The following PCOLCE2 variants were observed in gnomAD, a reference collection of about 807,000 sequenced individuals.
The protein encoded by PCOLCE2 is procollagen C-proteinase enhancer 2.
In PCOLCE2, 42 loss-of-function variants were observed where a neutral mutation model predicts 47.0. The observed-to-expected ratio is 0.89, with a 90% CI of 0.70 to 1.16. The LOEUF is 1.16. Among genes scored for constraint, PCOLCE2 ranks in the 50% most tolerant of loss-of-function variants. The pLI is 0.00. For synonymous variants in PCOLCE2, 169 were observed against 191.7 expected (o/e 0.88, Z 0.98); for missense variants, 500 against 526.1 (o/e 0.95, Z 0.49).
At chr3:142,855,770 G>C (rs537388726) in intron 2 of PCOLCE2, among the ~76,000 whole-genome samples, 1 of 152,290 alleles carries the variant, frequency 6.6e-6, no homozygotes, top group Non-Finnish European at 1.5e-5. Context: ...GCTCTAAGGA[G>C]GGGATTCAGT....
chr3:142,843,359 T>G (rs1183049866), intron 3 of PCOLCE2: 2 of 457,806 alleles, frequency 4.4e-6, no homozygotes, highest in South Asian at 3.2e-5. Context: ...TCAGAAAGCT[T>G]GCAGGCTCAA....
At chr3:142,874,936 C>G (rs1933467763) in intron 2 of PCOLCE2, among the ~76,000 whole-genome samples, 1 of 152,110 alleles carries the variant, frequency 6.6e-6, no homozygotes. Context: ...TCTGATAATT[C>G]CCTTCTGACT....
chr3:142,877,855 GT>G (rs1410387769), intron 2 of PCOLCE2, among the ~76,000 whole-genome samples: 1 of 152,180 alleles, frequency 6.6e-6, no homozygotes, highest in Non-Finnish European at 1.5e-5. Flanking sequence ...ATTCAGGAAT[GT>G]GATTTTTCAA....
intron 2 of PCOLCE2, among the ~76,000 whole-genome samples, chr3:142,849,207 G>A (rs1937364143): frequency 1.3e-5 from 2 of 152,122 alleles, no homozygotes; most frequent in Non-Finnish European, 2.9e-5. Context: ...TTCAATGCCT[G>A]TGTATAGAAT....
intron 2 of PCOLCE2, among the ~76,000 whole-genome samples, chr3:142,878,289 G>A (rs1933539602): frequency 6.6e-6 from 1 of 152,004 alleles, no homozygotes. Context: ...CATTTATTTC[G>A]GGATGTTTAT....
At chr3:142,882,493 C>T (rs1239134300) in intron 2 of PCOLCE2, among the ~76,000 whole-genome samples, 2 of 152,122 alleles carry the variant, frequency 1.3e-5, no homozygotes, top group African/African-American at 2.4e-5. Context: ...AATTTCAGTA[C>T]TTTTAAATTA....
At chr3:142,826,437 G>A (rs890344204) in intron 6 of PCOLCE2, among the ~76,000 whole-genome samples, 2 of 152,018 alleles carry the variant, frequency 1.3e-5, no homozygotes, top group Non-Finnish European at 2.9e-5. Context: ...ACCCCCCTCC[G>A]ACCTGAAGTC....
intron 2 of PCOLCE2, 23 bp downstream of exon 2, chr3:142,887,646 A>G: frequency 8.2e-7 from 1 of 1,217,232 alleles, no homozygotes; most frequent in Non-Finnish European, 1.2e-6. Flanking sequence ...TTCCAGGAGA[A>G]TACCTTTTTA....
At chr3:142,835,440 T>C (rs1937192480) in intron 5 of PCOLCE2, among the ~76,000 whole-genome samples, 1 of 152,210 alleles carries the variant, frequency 6.6e-6, no homozygotes, top group Non-Finnish European at 1.5e-5. Context: ...ATCATTTTTA[T>C]ATCCTTTTAT....
intron 3 of PCOLCE2, among the ~76,000 whole-genome samples, chr3:142,845,133 T>G (rs1460046076): frequency 1.3e-5 from 2 of 152,236 alleles, no homozygotes; most frequent in East Asian, 3.8e-4. Context: ...TTTTTCCTTA[T>G]AGCCTTCTTT....
chr3:142,824,019 C>T (rs1227843595), intron 6 of PCOLCE2, among the ~76,000 whole-genome samples: 1 of 152,130 alleles, frequency 6.6e-6, no homozygotes, highest in African/African-American at 2.4e-5. Context: ...TAGGGTGTTC[C>T]CCTGAGGACA....
intron 2 of PCOLCE2, chr3:142,864,459 C>T (rs1477635360): frequency 6.6e-6 from 1 of 152,122 alleles, no homozygotes; most frequent in Non-Finnish European, 1.5e-5. Context: ...CAGAGTTTTT[C>T]AATCATAAAA....
At chr3:142,871,261 T>C (rs1490808065) in intron 2 of PCOLCE2, among the ~76,000 whole-genome samples, 1 of 152,188 alleles carries the variant, frequency 6.6e-6, no homozygotes, top group Non-Finnish European at 1.5e-5. Context: ...CAAGCCCTCA[T>C]TATCTCTCAT....
intron 2 of PCOLCE2, among the ~76,000 whole-genome samples, chr3:142,870,321 A>G (rs1346794508): frequency 6.6e-6 from 1 of 152,214 alleles, no homozygotes; most frequent in Non-Finnish European, 1.5e-5. Context: ...GAGATCTAAA[A>G]AGTGGACTGT....
chr3:142,843,232 T>C (rs1937287434), intron 3 of PCOLCE2, 184 bp from the exon 4 acceptor site: 2 of 677,860 alleles, frequency 3.0e-6, no homozygotes, highest in Non-Finnish European at 2.7e-6. Flanking sequence ...ACACAATGAA[T>C]GATCTTTGTT....
intron 2 of PCOLCE2, among the ~76,000 whole-genome samples, chr3:142,883,278 T>G (rs1418674906): frequency 6.6e-6 from 1 of 151,704 alleles, no homozygotes; most frequent in Non-Finnish European, 1.5e-5. Context: ...TCCCAGAAGA[T>G]TCTAGGCTTT....
chr3:142,863,096 CAAAA>C (rs35383176), intron 2 of PCOLCE2, among the ~76,000 whole-genome samples: 104 of 85,982 alleles, frequency 1.2e-3, no homozygotes, highest in Middle Eastern at 7.1e-3. Flanking sequence ...GTCTGGCAGG[CAAAA>C]AAAAAAAAAA....
chr3:142,836,565 A>C (rs1300851188), intron 5 of PCOLCE2, among the ~76,000 whole-genome samples: 1 of 152,174 alleles, frequency 6.6e-6, no homozygotes, highest in Non-Finnish European at 1.5e-5. Context: ...ATCTTTAGGA[A>C]TGTTGTTTAG....
intron 2 of PCOLCE2, among the ~76,000 whole-genome samples, chr3:142,859,358 T>C (rs977268773): frequency 6.6e-6 from 1 of 151,820 alleles, no homozygotes; most frequent in Non-Finnish European, 1.5e-5. Context: ...CCAGCACACC[T>C]GGCCCATGTT....
Sources: gnomAD v4.1 joint callset for allele counts (sites outside exome capture counted in the v4.1 genomes callset) on GRCh38, gnomAD v4.1.1 for gene constraint, MANE v1.5 for transcripts, NCBI Gene and HGNC (gene_info 2026-07-23, HGNC 2026-07-21) for gene names.